The following CARMIL1 variants were observed in gnomAD, a reference collection of about 807,000 sequenced individuals.
CARMIL1 encodes the protein F-actin-uncapping protein LRRC16A.
Under a neutral mutation model 177.1 loss-of-function variants are expected in CARMIL1, and 90 were observed. The observed-to-expected ratio is 0.51, with a 90% CI of 0.43 to 0.61. The LOEUF (loss-of-function observed/expected upper bound fraction) is 0.61, where lower values mean the gene tolerates loss of function less well. CARMIL1 is among the 20% of genes least tolerant of loss of function. The pLI, the probability that CARMIL1 is intolerant of heterozygous loss-of-function variation, is 0.00. For missense variants in CARMIL1, 1,380 were observed against 1,667.0 expected (o/e 0.83, Z 3.00); for synonymous variants, 577 against 606.2 (o/e 0.95, Z 0.71).
intron 2 of CARMIL1, among the ~76,000 whole-genome samples, chr6:25,331,468 G>A (rs868520454): frequency 1.3e-4 from 20 of 152,282 alleles, no homozygotes; most frequent in South Asian, 4.2e-4. Context: ...CTTTTAATTA[G>A]CCCCACCCAG....
At chr6:25,335,647 G>A (rs1786134527) in intron 2 of CARMIL1, among the ~76,000 whole-genome samples, 1 of 152,214 alleles carries the variant, frequency 6.6e-6, no homozygotes, top group African/African-American at 2.4e-5. Flanking sequence ...TTCAGAGGCT[G>A]TCTGTACAAG....
chr6:25,586,240 G>C (rs1261128573), intron 31 of CARMIL1, among the ~76,000 whole-genome samples: 1 of 150,248 alleles, frequency 6.7e-6, no homozygotes, highest in African/African-American at 2.5e-5. Flanking sequence ...TTCTCAGACG[G>C]GGTGGCCGGG....
chr6:25,283,520 T>G lies in CARMIL1; in HGVS notation c.41-1292T>G, dbSNP rs1295935681. 1.3e-5 allele frequency among the ~76,000 whole-genome samples: 2 copies of G among 152,174 alleles called. 1 individual carries two copies. The highest frequency in any genetic ancestry group is 6.3e-3 in the Middle Eastern group (2 of 316). ...AGAGTAGGAGATAATGAGTTTGATT[T>G]CAGACGTATTCATTTTGAGGTACTC... On this transcript the variant is annotated intron_variant, in intron 1 of 36. Coordinates refer to ENST00000329474, the MANE Select transcript of CARMIL1 (RefSeq NM_017640.6).
chr6:25,308,354 G>A (rs893488593), intron 2 of CARMIL1, among the ~76,000 whole-genome samples: 2 of 150,780 alleles, frequency 1.3e-5, no homozygotes, highest in African/African-American at 4.9e-5. Context: ...GTGAGGTTCC[G>A]TGAGAAGGAC....
At chr6:25,451,987 C>CGGGGGGGGG in intron 8 of CARMIL1, 2 of 62,880 alleles carry the variant, frequency 3.2e-5, no homozygotes, top group East Asian at 5.1e-4. Context: ...TAGCATCTTG[C>CGGGGGGGGG]CCCCCCCTCC....
chr6:25,566,585 C>T (rs530368736), intron 29 of CARMIL1, among the ~76,000 whole-genome samples: 91 of 152,340 alleles, frequency 6.0e-4, no homozygotes, highest in African/African-American at 2.0e-3. Flanking sequence ...ATTATCTTAG[C>T]ACTTATTAGA....
chr6:25,531,675 C>A (rs2151107656), intron 24 of CARMIL1, among the ~76,000 whole-genome samples: 1 of 152,332 alleles, frequency 6.6e-6, no homozygotes, highest in South Asian at 2.1e-4. Flanking sequence ...GGAACTAATA[C>A]TACTAGCCTA....
At position 25,540,022 on chromosome 6, in the gene CARMIL1, G is replaced by A. The variant is rs1808733819; in HGVS notation, c.2272G>A (p.Glu758Lys). The change falls in exon 26 of 37, where the codon GAG becomes AAG. Residue 758 changes from glutamate to lysine, a missense_variant. Glu to Lys is a moderately conservative substitution (Grantham distance 56). Coordinates refer to ENST00000329474, the MANE Select transcript of CARMIL1 (RefSeq NM_017640.6). ...TGGCTTACTATCCAGTCCAATTCAG[G>A]AGACCCTGGAATCAATGGCTGGAGA... is the stretch of plus-strand genomic sequence containing the variant. ...ASGLLSSPIQ[E>K]TLESMAGEVT... The A allele has an allele frequency of 6.2e-7, 1 of 1,609,688 alleles. No individual in the cohort carries two copies. Among genetic ancestry groups the A allele is most frequent in the Non-Finnish European group, 8.5e-7 (1 of 1,178,110 alleles).
intron 5 of CARMIL1, among the ~76,000 whole-genome samples, chr6:25,442,447 T>C (rs1050480886): frequency 1.3e-5 from 2 of 149,586 alleles, no homozygotes; most frequent in African/African-American, 5.0e-5. Context: ...TCTTTCTGTC[T>C]ATTTAACAGT....
chr6:25,418,267 G>A (rs1357973385), intron 2 of CARMIL1, among the ~76,000 whole-genome samples: 1 of 152,184 alleles, frequency 6.6e-6, no homozygotes, highest in Non-Finnish European at 1.5e-5. Context: ...CAAGCAGGAT[G>A]CCTTCCATCC....
At chr6:25,607,054 G>C (rs1816038814) in intron 35 of CARMIL1, among the ~76,000 whole-genome samples, 1 of 151,934 alleles carries the variant, frequency 6.6e-6, no homozygotes, top group Non-Finnish European at 1.5e-5. Flanking sequence ...AGGCTGAGGT[G>C]GGAGGATAAC....
chr6:25,417,861 A>C (rs1005030888), intron 2 of CARMIL1, among the ~76,000 whole-genome samples: 2 of 152,198 alleles, frequency 1.3e-5, no homozygotes, highest in African/African-American at 2.4e-5. Context: ...CATCAAATAT[A>C]GTTGTTGTGA....
chr6:25,488,608 C>A, intron 13 of CARMIL1, 23 bp downstream of exon 13: 1 of 1,555,154 alleles, frequency 6.4e-7, no homozygotes, highest in Non-Finnish European at 8.9e-7. Context: ...TTCTTTATTC[C>A]ATCTTCGAAG....
At chr6:25,391,671 C>T (rs1792833861) in intron 2 of CARMIL1, among the ~76,000 whole-genome samples, 1 of 152,100 alleles carries the variant, frequency 6.6e-6, no homozygotes, top group Non-Finnish European at 1.5e-5. Context: ...ATTTAAATTA[C>T]AGATTCCTTA....
chr6:25,356,494 C>T (rs1382363768), intron 2 of CARMIL1, among the ~76,000 whole-genome samples: 1 of 152,184 alleles, frequency 6.6e-6, no homozygotes, highest in Non-Finnish European at 1.5e-5. Context: ...GAGGGAATAT[C>T]TGGGAGCAGC....
Position 25,488,508 on chromosome 6 carries a change from A to C in CARMIL1, c.988A>C (p.Ser330Arg), listed in dbSNP as rs1301857827. The change falls in exon 13 of 37, where the codon AGT (serine) becomes CGT (arginine). Residue 330 changes from serine to arginine, a missense_variant. Physicochemically the swap from Ser to Arg is moderately radical, Grantham distance 110 (BLOSUM62 -1). Coordinates refer to ENST00000329474, the MANE Select transcript of CARMIL1 (RefSeq NM_017640.6). ...KGVNSLSQSLSANPLTASTLV... is the reference protein window; with the variant it reads ...KGVNSLSQSLRANPLTASTLV... Reference sequence around the variant, plus strand: ...GGTGAACAGCCTTTCTCAGTCACTCAGTGCCAATCCATTGACCGCCTCTAC... The same window carrying C: ...GGTGAACAGCCTTTCTCAGTCACTCCGTGCCAATCCATTGACCGCCTCTAC... The C allele has an allele frequency of 6.2e-7, 1 of 1,613,890 alleles. No homozygotes were observed. Among genetic ancestry groups the C allele is most frequent in the Non-Finnish European group, 8.5e-7 (1 of 1,179,862 alleles).
chr6:25,454,641 C>A (rs9356977), intron 8 of CARMIL1, among the ~76,000 whole-genome samples: 98,961 of 146,268 alleles, frequency 0.68, 32,305 homozygotes, highest in South Asian at 0.78. Context: ...GTATTCAAAA[C>A]AATTTTTTAC....
chr6:25,494,412 T>C (rs1803501798), intron 15 of CARMIL1, among the ~76,000 whole-genome samples: 5 of 152,260 alleles, frequency 3.3e-5, no homozygotes. Context: ...TCCTGAATCC[T>C]GTTTTTCTTA....
chr6:25,301,985 T>C (rs948981625), intron 2 of CARMIL1, among the ~76,000 whole-genome samples: 1 of 152,184 alleles, frequency 6.6e-6, no homozygotes, highest in Non-Finnish European at 1.5e-5. Flanking sequence ...TTAGAGCCTC[T>C]GGGTACTATT....
Sources: gnomAD v4.1 joint callset for allele counts (sites outside exome capture counted in the v4.1 genomes callset) on GRCh38, gnomAD v4.1.1 for gene constraint, MANE v1.5 for transcripts, NCBI Gene and HGNC (gene_info 2026-07-23, HGNC 2026-07-21) for gene names.